Variants in EDIL3 observed in about 807,000 individuals in gnomAD.
EDIL3 encodes EGF-like repeat and discoidin I-like domain-containing protein 3.
EDIL3 carries 37 observed loss-of-function variants against 67.4 expected under a neutral mutation model. The observed-to-expected ratio is 0.55, with a 90% CI of 0.42 to 0.72. The LOEUF (loss-of-function observed/expected upper bound fraction) is 0.72, where lower values mean the gene tolerates loss of function less well. Ranked by LOEUF, EDIL3 falls within the 30% of genes least tolerant of loss-of-function variation. The pLI, the probability that EDIL3 is intolerant of heterozygous loss-of-function variation, is 0.00. For missense variants in EDIL3, 527 were observed against 586.3 expected, an observed-to-expected ratio of 0.90 and a Z score of 1.04; for synonymous variants, 195 against 196.3, an observed-to-expected ratio of 0.99 and a Z score of 0.05.
At chr5:84,148,738 G>T (rs1748331384) in intron 4 of EDIL3, among the ~76,000 whole-genome samples, 1 of 152,082 alleles carries the variant, frequency 6.6e-6, no homozygotes, top group Non-Finnish European at 1.5e-5. Context: ...CACCATGGAA[G>T]AATCTGCTTC....
chr5:84,205,742 T>G (rs1310917393), intron 3 of EDIL3, among the ~76,000 whole-genome samples: 1 of 152,206 alleles, frequency 6.6e-6, no homozygotes, highest in African/African-American at 2.4e-5. Context: ...TGTATTTCTG[T>G]GGGATCGGTG....
chr5:84,105,238 A>C (rs180767137), intron 6 of EDIL3, among the ~76,000 whole-genome samples: 15 of 152,224 alleles, frequency 9.9e-5, no homozygotes, highest in Non-Finnish European at 1.9e-4. Context: ...CATTTTGCAC[A>C]TGTTGCTATA....
At chr5:84,102,630 A>C (rs4492094) in intron 6 of EDIL3, among the ~76,000 whole-genome samples, 8,873 of 151,692 alleles carry the variant, frequency 0.058, 883 homozygotes, top group African/African-American at 0.2. Flanking sequence ...CAAAACAAAA[A>C]AAAAACGAAA....
At chr5:84,135,114 G>T (rs1253418967) in intron 5 of EDIL3, among the ~76,000 whole-genome samples, 1 of 151,936 alleles carries the variant, frequency 6.6e-6, no homozygotes, top group African/African-American at 2.4e-5. Flanking sequence ...ATTCCTCCAT[G>T]CCCTAGAGCT....
chr5:84,248,719 C>T (rs1302336509), intron 2 of EDIL3, among the ~76,000 whole-genome samples: 1 of 152,114 alleles, frequency 6.6e-6, no homozygotes, highest in Non-Finnish European at 1.5e-5. Context: ...TACCCAGTTG[C>T]TCAGGCCAGA....
chr5:84,300,653 C>T (rs1746139701), intron 1 of EDIL3, among the ~76,000 whole-genome samples: 1 of 152,034 alleles, frequency 6.6e-6, no homozygotes, highest in Admixed American at 6.6e-5. Flanking sequence ...TAACAAATAG[C>T]ACAGAAATTC....
At chr5:84,288,630 T>C (rs538715964) in intron 1 of EDIL3, among the ~76,000 whole-genome samples, 2 of 152,210 alleles carry the variant, frequency 1.3e-5, no homozygotes, top group South Asian at 4.1e-4. Flanking sequence ...CTAAACACTT[T>C]CCTCTGTTTG....
At chr5:84,351,916 T>A in intron 1 of EDIL3, among the ~76,000 whole-genome samples, 1 of 151,736 alleles carries the variant, frequency 6.6e-6, no homozygotes, top group Non-Finnish European at 1.5e-5. Context: ...ATCCAGAATA[T>A]ATAAAGAATG....
intron 9 of EDIL3, among the ~76,000 whole-genome samples, chr5:84,021,416 A>G (rs1175768180): frequency 6.6e-5 from 10 of 151,838 alleles, no homozygotes; most frequent in African/African-American, 2.4e-4. Flanking sequence ...CATTTTCACT[A>G]TTTCAAGAAA....
chr5:84,347,293 A>T (rs1477087707), intron 1 of EDIL3, among the ~76,000 whole-genome samples: 1 of 152,166 alleles, frequency 6.6e-6, no homozygotes, highest in Non-Finnish European at 1.5e-5. Flanking sequence ...TACTCATCTC[A>T]CACTGCTCTA....
At chr5:84,123,335 T>C (rs563223046) in intron 5 of EDIL3, among the ~76,000 whole-genome samples, 1 of 152,024 alleles carries the variant, frequency 6.6e-6, no homozygotes, top group Non-Finnish European at 1.5e-5. Context: ...TCATTTTTGT[T>C]GCTGTGGTTA....
At chr5:84,238,665 G>GCTTTTTTT (rs1554037699) in intron 2 of EDIL3, among the ~76,000 whole-genome samples, 1 of 101,106 alleles carries the variant, frequency 9.9e-6, no homozygotes, top group Non-Finnish European at 1.8e-5. Flanking sequence ...AAAATTAAAT[G>GCTTTTTTT]TTTTTTTTTT....
intron 3 of EDIL3, among the ~76,000 whole-genome samples, chr5:84,203,695 T>G (rs1007603294): frequency 1.2e-4 from 19 of 152,186 alleles, no homozygotes; most frequent in African/African-American, 4.1e-4. Context: ...CTCGCACAAG[T>G]GGCAGTTAAG....
rs537462956 is a variant in EDIL3, at chr5:84,265,553, TACA to T, written c.68-11344_68-11342del. Among the ~76,000 whole-genome samples the T allele has an allele frequency of 2.6e-5, 4 of 152,350 alleles. No homozygotes were observed. The South Asian group carries it at 8.3e-4, about 32-fold the overall frequency. On this transcript the variant is annotated intron_variant, in intron 1 of 10. Transcript: ENST00000296591. Reference sequence around the variant, plus strand: ...AGTGAATGATTTCATACACACCTTTTACAACGTTTTCACATGAAGACAACGTTT... The same window carrying T: ...AGTGAATGATTTCATACACACCTTTTACGTTTTCACATGAAGACAACGTTT...
intron 1 of EDIL3, among the ~76,000 whole-genome samples, chr5:84,313,463 C>T (rs971908530): frequency 1.3e-5 from 2 of 152,164 alleles, no homozygotes; most frequent in Admixed American, 1.3e-4. Flanking sequence ...AAAGAGCAAA[C>T]GTGCAATAAT....
At chr5:83,986,683 C>A (rs1745062545) in intron 9 of EDIL3, among the ~76,000 whole-genome samples, 1 of 152,008 alleles carries the variant, frequency 6.6e-6, no homozygotes, top group Non-Finnish European at 1.5e-5. Flanking sequence ...AGAGGTGGGT[C>A]CCCTGCAGGC....
intron 5 of EDIL3, among the ~76,000 whole-genome samples, chr5:84,124,916 G>A (rs1460006031): frequency 6.6e-6 from 1 of 151,804 alleles, no homozygotes; most frequent in East Asian, 1.9e-4. Flanking sequence ...TCCTTCTCAG[G>A]TACACTTATA....
chr5:84,154,693 C>CTTTT (rs397881707), intron 4 of EDIL3, among the ~76,000 whole-genome samples: 24 of 92,288 alleles, frequency 2.6e-4, no homozygotes, highest in Admixed American at 5.7e-4. Context: ...TCTGCTTCTG[C>CTTTT]TTTTTTTTTT....
intron 9 of EDIL3, among the ~76,000 whole-genome samples, chr5:84,001,039 C>T (rs529820418): frequency 6.6e-6 from 1 of 151,588 alleles, no homozygotes; most frequent in Non-Finnish European, 1.5e-5. Flanking sequence ...AGCAGAAAAA[C>T]CACATTTTTA....
Sources: allele counts gnomAD v4.1 joint callset (sites outside exome capture counted in the v4.1 genomes callset), GRCh38; gene constraint gnomAD v4.1.1; transcripts MANE v1.5; gene names NCBI Gene and HGNC (gene_info 2026-07-23, HGNC 2026-07-21).